FAM53A: variants seen among roughly 807,000 people sequenced by gnomAD.
The protein encoded by FAM53A is family with sequence similarity 53 member A, also known as protein FAM53A.
A neutral mutation model predicts 26.6 loss-of-function variants in FAM53A; 28 were observed. That is an observed-to-expected ratio of 1.05 (90% CI 0.78 to 1.45). The LOEUF is 1.45. FAM53A is among the 40% of genes most tolerant of loss of function. The probability of loss-of-function intolerance (pLI) is 0.00; values close to 1 mark genes in which losing one functional copy is unlikely to be tolerated. For synonymous variants in FAM53A, 290 were observed against 253.1 expected (o/e 1.15, Z -1.38); for missense variants, 650 against 575.8 (o/e 1.13, Z -1.32).
chr4:1,651,675 C>T (rs568338807), intron 4 of FAM53A, among the ~76,000 whole-genome samples: 7 of 151,608 alleles, frequency 4.6e-5, no homozygotes, highest in East Asian at 1.9e-4. Context: ...ATCCAGAGGA[C>T]GGGACACCAG....
At chr4:1,607,329 T>G in the FAM53A span, among the ~76,000 whole-genome samples, 8 of 152,020 alleles carry the variant, frequency 5.3e-5, no homozygotes, top group Non-Finnish European at 1.0e-4. Context: ...TCTGGGTTTT[T>G]TTTTTTTTTA....
the FAM53A span, among the ~76,000 whole-genome samples, chr4:1,601,299 C>A: frequency 4.6e-4 from 53 of 115,174 alleles, 14 homozygotes; most frequent in African/African-American, 1.3e-3. Flanking sequence ...TTTCCGGGGG[C>A]CCCCCGTACA....
chr4:1,660,347 C>T (rs1268313800), intron 2 of FAM53A, among the ~76,000 whole-genome samples: 3 of 121,126 alleles, frequency 2.5e-5, no homozygotes, highest in African/African-American at 4.1e-5. Context: ...CGGGAAATCC[C>T]AGCACTGTGG....
intron 2 of FAM53A, among the ~76,000 whole-genome samples, chr4:1,658,876 G>A (rs1160344994): frequency 6.6e-6 from 1 of 152,258 alleles, no homozygotes; most frequent in Non-Finnish European, 1.5e-5. Context: ...CCTGTGACAA[G>A]GACACGGCTG....
chr4:1,586,193 AT>A, the FAM53A span, among the ~76,000 whole-genome samples: 9 of 149,840 alleles, frequency 6.0e-5, no homozygotes, highest in East Asian at 9.8e-4. Flanking sequence ...GGTGAGACTG[AT>A]TTTTTTTTTA....
chr4:1,649,991 TTGAC>T (rs1455678679), intron 4 of FAM53A, among the ~76,000 whole-genome samples: 2 of 79,430 alleles, frequency 2.5e-5, no homozygotes, highest in East Asian at 3.7e-4. Flanking sequence ...GGCGTGGCGT[TTGAC>T]TGTGAGGTGG....
chr4:1,630,864 G>A lies in FAM53A; in HGVS notation c.432-12753C>T, dbSNP rs1245837996. ...GCACCATCTCACGAATGTACTAAAT[G>A]CCAGTTAACTGAACACTAAATTTTA... On this transcript the variant is annotated intron_variant, in intron 1 of 1. Transcript: ENST00000489029. This position sits in a 1 kb window ranked among gnomAD's most constrained non-coding sequence, Gnocchi z 4.3. 3.3e-5 allele frequency among the ~76,000 whole-genome samples: 5 copies of A among 152,286 alleles called. No individual in the cohort carries two copies. In the East Asian group the frequency reaches 7.7e-4, roughly 24 times the overall value.
chr4:1,643,659 C>T (rs1341462433), intron 4 of FAM53A, among the ~76,000 whole-genome samples: 4 of 151,304 alleles, frequency 2.6e-5, no homozygotes, highest in South Asian at 2.1e-4. Context: ...CTCGACCTCC[C>T]GGGCTCAAGC....
downstream of FAM53A, among the ~76,000 whole-genome samples, chr4:1,613,675 C>T (rs1003161702): frequency 1.3e-5 from 2 of 152,118 alleles, no homozygotes; most frequent in African/African-American, 2.4e-5. Context: ...TAAGTGACAC[C>T]GTGTGAAGCA....
At chr4:1,643,294 G>A (rs377641079) in intron 4 of FAM53A, among the ~76,000 whole-genome samples, 4 of 152,046 alleles carry the variant, frequency 2.6e-5, no homozygotes, top group African/African-American at 7.2e-5. Flanking sequence ...GTGAAGCCCC[G>A]TCTCTACTAA....
chr4:1,685,678 G>A (rs983685415), upstream of FAM53A, among the ~76,000 whole-genome samples: 1 of 152,070 alleles, frequency 6.6e-6, no homozygotes, highest in Non-Finnish European at 1.5e-5. Flanking sequence ...GAGTCCCAGC[G>A]GGGCTGGGGA....
At chr4:1,685,276 G>C (rs1189642672), upstream of FAM53A, among the ~76,000 whole-genome samples, 1 of 152,164 alleles carries the variant, frequency 6.6e-6, no homozygotes, top group Non-Finnish European at 1.5e-5. Context: ...GGGGCCCCTG[G>C]GGTGGGAGGG....
chr4:1,598,589 G>A, the FAM53A span, among the ~76,000 whole-genome samples: 2 of 152,156 alleles, frequency 1.3e-5, no homozygotes, highest in South Asian at 2.1e-4. Flanking sequence ...GCTGTCGTCC[G>A]ATCCTTCTGG....
chr4:1,577,253 C>A, the FAM53A span, among the ~76,000 whole-genome samples: 2 of 152,210 alleles, frequency 1.3e-5, no homozygotes, highest in Non-Finnish European at 2.9e-5. Flanking sequence ...ATGTGCCAGA[C>A]GAATGGACCT....
the FAM53A span, among the ~76,000 whole-genome samples, chr4:1,605,409 GCCCATTCCGCC>G: frequency 6.6e-6 from 1 of 152,100 alleles, no homozygotes; most frequent in South Asian, 2.1e-4. This position sits in a 1 kb window ranked among gnomAD's most constrained non-coding sequence, Gnocchi z 5.7. Flanking sequence ...GCCTGGAGTC[GCCCATTCCGCC>G]CCCACCAAAG....
At chr4:1,606,916 A>C in the FAM53A span, among the ~76,000 whole-genome samples, 1 of 152,234 alleles carries the variant, frequency 6.6e-6, no homozygotes, top group African/African-American at 2.4e-5. Context: ...GGAAGCTGCC[A>C]TGCTGTTCCC....
chr4:1,652,886 T>TACCACAGACACCACACAC (rs1360873080), intron 4 of FAM53A, among the ~76,000 whole-genome samples: 2 of 118,060 alleles, frequency 1.7e-5, no homozygotes, highest in East Asian at 5.5e-4. Context: ...ACACCACACA[T>TACCACAGACACCACACAC]ACCACAGACA....
the FAM53A span, among the ~76,000 whole-genome samples, chr4:1,590,425 C>G: frequency 6.6e-6 from 1 of 152,096 alleles, no homozygotes; most frequent in African/African-American, 2.4e-5. Flanking sequence ...GTGGGGAATT[C>G]AAACCACAGA....
chr4:1,647,817 C>A (rs1712383300), intron 4 of FAM53A, among the ~76,000 whole-genome samples: 2 of 152,168 alleles, frequency 1.3e-5, no homozygotes, highest in African/African-American at 4.8e-5. Flanking sequence ...CACCCAGAGT[C>A]AGGACTAATT....
Sources: gnomAD v4.1 joint callset for allele counts (sites outside exome capture counted in the v4.1 genomes callset) on GRCh38, gnomAD v4.1.1 for gene constraint, Gnocchi (gnomAD v3.1) non-coding constraint, MANE v1.5 for transcripts, NCBI Gene and HGNC (gene_info 2026-07-23, HGNC 2026-07-21) for gene names.